OXCT1: variants seen among roughly 807,000 people sequenced by gnomAD.
OXCT1 encodes the protein succinyl-CoA:3-ketoacid coenzyme A transferase 1, mitochondrial.
Under a neutral mutation model 69.6 loss-of-function variants are expected in OXCT1, and 27 were observed. The observed-to-expected ratio is 0.39, with a 90% CI of 0.29 to 0.54. The LOEUF is 0.54. Among genes scored for constraint, OXCT1 ranks in the 20% least tolerant of loss-of-function variants. The pLI is 0.72. For synonymous variants in OXCT1, 202 were observed against 217.8 expected, an observed-to-expected ratio of 0.93 and a Z score of 0.64; for missense variants, 437 against 650.2, an observed-to-expected ratio of 0.67 and a Z score of 3.57.
intron 7 of OXCT1, among the ~76,000 whole-genome samples, chr5:41,814,550 A>G (rs1051797713): frequency 6.6e-5 from 10 of 152,096 alleles, no homozygotes; most frequent in African/African-American, 2.4e-4. Flanking sequence ...CAGCCATAAA[A>G]AAGGATGAGT....
intron 7 of OXCT1, among the ~76,000 whole-genome samples, chr5:41,814,725 T>C (rs1579795686): frequency 1.6e-5 from 1 of 62,518 alleles, no homozygotes; most frequent in Non-Finnish European, 3.0e-5. Context: ...GGGACTGTTG[T>C]GGGGTGGGGG....
In OXCT1 at chr5:41,853,521, C is replaced by G; in HGVS notation, c.312G>C (p.Arg104=). ...VDNFGLGLLL[R]SKQIKRMVSS... is the part of the protein sequence containing the mutation. ...AGACCATGCGTTTTATCTGCTTGGA[C>G]CGAAGCAAAAGCCCCAAACCAAAAT... is the stretch of plus-strand genomic sequence containing the variant. Residue 104 remains arginine (R), a synonymous_variant, in exon 4 of 17, where the codon CGG becomes CGC. Coordinates refer to ENST00000196371, the MANE Select transcript of OXCT1 (RefSeq NM_000436.4). 6.2e-7 allele frequency: 1 copy of G among 1,613,844 alleles called. No individual in the cohort carries two copies.
chr5:41,867,591 G>T (rs116132746), intron 1 of OXCT1, among the ~76,000 whole-genome samples: 1 of 152,192 alleles, frequency 6.6e-6, no homozygotes, highest in East Asian at 1.9e-4. Context: ...TATACTGGAT[G>T]GATACTGGTG....
chr5:41,843,695 C>T (rs4957430), intron 5 of OXCT1: 96,986 of 409,086 alleles, frequency 0.24, 12,103 homozygotes, highest in Middle Eastern at 0.34. Flanking sequence ...TCATCCCTAC[C>T]GCACCCCCTA....
chr5:41,794,339 G>A (rs1209609355), intron 12 of OXCT1: 11 of 592,860 alleles, frequency 1.9e-5, no homozygotes, highest in Non-Finnish European at 2.7e-5. Flanking sequence ...CCTTCAGTGA[G>A]GCAGAATGTG....
At chr5:41,812,890 C>T (rs1331352017) in intron 7 of OXCT1, among the ~76,000 whole-genome samples, 1 of 151,788 alleles carries the variant, frequency 6.6e-6, no homozygotes, top group Admixed American at 6.6e-5. Context: ...TACAGTCAAG[C>T]GAAAAATGGT....
intron 7 of OXCT1, among the ~76,000 whole-genome samples, chr5:41,836,490 T>C (rs918749033): frequency 2.0e-5 from 3 of 152,158 alleles, no homozygotes; most frequent in East Asian, 1.9e-4. Context: ...ACACAACTCA[T>C]AAGTTTATCT....
intron 7 of OXCT1, among the ~76,000 whole-genome samples, chr5:41,832,566 C>A (rs1478441647): frequency 6.6e-6 from 1 of 151,958 alleles, no homozygotes. Flanking sequence ...AAGACAAGAC[C>A]ACAAAGACTA....
At chr5:41,840,842 A>T (rs1748597009) in intron 6 of OXCT1, among the ~76,000 whole-genome samples, 1 of 152,226 alleles carries the variant, frequency 6.6e-6, no homozygotes. Flanking sequence ...TAATCTTTTA[A>T]CAAGTATGCT....
rs1420783299 is a variant in OXCT1 at position 41,762,977 on chromosome 5, CT to C, written c.1249-778del. On this transcript the variant is annotated intron_variant, in intron 13 of 16. Transcript: ENST00000196371. This position sits in a 1 kb window ranked among gnomAD's most constrained non-coding sequence, Gnocchi z 4.0. ...TGTTTCCAGAGATGATAAAATGATT[CT>C]TACTCAAGTATATTGAGGAGAAATG... 1.3e-5 allele frequency among the ~76,000 whole-genome samples: 2 copies of C among 152,038 alleles called. No homozygotes were observed. Among genetic ancestry groups the C allele is most frequent in the African/African-American group, 4.8e-5 (2 of 41,432 alleles).
chr5:41,779,299 T>C (rs1290894292), intron 13 of OXCT1, among the ~76,000 whole-genome samples: 3 of 152,204 alleles, frequency 2.0e-5, no homozygotes, highest in Non-Finnish European at 4.4e-5. Flanking sequence ...AGAGATCATA[T>C]ATGCACTGTC....
At chr5:41,847,987 A>T (rs1290644609) in intron 5 of OXCT1, among the ~76,000 whole-genome samples, 1 of 150,174 alleles carries the variant, frequency 6.7e-6, no homozygotes, top group Non-Finnish European at 1.5e-5. Flanking sequence ...AGGAAGTCAA[A>T]TTGTCCCTGT....
chr5:41,786,875 A>G (rs1745663284), intron 13 of OXCT1, among the ~76,000 whole-genome samples: 1 of 152,220 alleles, frequency 6.6e-6, no homozygotes, highest in South Asian at 2.1e-4. Flanking sequence ...GTTTTTTAAT[A>G]TAACTAAAGA....
chr5:41,778,728 C>T (rs186302230), intron 13 of OXCT1, among the ~76,000 whole-genome samples: 5 of 152,258 alleles, frequency 3.3e-5, no homozygotes, highest in South Asian at 4.1e-4. Flanking sequence ...AAGCTAGAAG[C>T]GGTCAATGTA....
intron 11 of OXCT1, among the ~76,000 whole-genome samples, chr5:41,799,165 A>G (rs1746314980): frequency 6.6e-6 from 1 of 152,116 alleles, no homozygotes; most frequent in African/African-American, 2.4e-5. Context: ...ATCCAGAAAC[A>G]TAACTCTTTG....
At chr5:41,825,147 A>C (rs1446797925) in intron 7 of OXCT1, among the ~76,000 whole-genome samples, 2 of 152,208 alleles carry the variant, frequency 1.3e-5, no homozygotes, top group Non-Finnish European at 2.9e-5. Flanking sequence ...AAGAACCCAA[A>C]TATGTTCTCA....
chr5:41,853,495 G>C lies in OXCT1; in HGVS notation c.338C>G (p.Ser113Cys). Residue 113 changes from serine (S) to cysteine (C), a missense_variant, in exon 4 of 17, where the codon TCT (serine) becomes TGT (cysteine). Physicochemically the swap from Ser to Cys is moderately radical, Grantham distance 112 (BLOSUM62 -1). This residue lies in a region of OXCT1 where 252 missense variants were observed against 397.4 expected (regional missense o/e 0.63). Transcript: ENST00000196371. ...LRSKQIKRMV[S>C]SYVGENAEFE... ...TTCTGCATTTTCTCCCACATATGAA[G>C]AGACCATGCGTTTTATCTGCTTGGA... 1.2e-6 allele frequency: 2 copies of C among 1,613,602 alleles called. No individual in the cohort carries two copies. Among genetic ancestry groups the C allele is most frequent in the East Asian group, 4.5e-5 (2 of 44,866 alleles).
chr5:41,746,374 G>A (rs899834824), intron 15 of OXCT1, among the ~76,000 whole-genome samples: 1 of 151,930 alleles, frequency 6.6e-6, no homozygotes, highest in African/African-American at 2.4e-5. Context: ...TCTTTCAAAG[G>A]GCAACTGAAT....
chr5:41,760,297 T>C (rs2112095107), intron 14 of OXCT1, among the ~76,000 whole-genome samples: 1 of 152,264 alleles, frequency 6.6e-6, no homozygotes, highest in African/African-American at 2.4e-5. Flanking sequence ...ATAAGTACAT[T>C]GTTTTATTGG....
Sources: allele counts gnomAD v4.1 joint callset (sites outside exome capture counted in the v4.1 genomes callset), GRCh38; gene constraint gnomAD v4.1.1; regional missense constraint gnomAD v4.1.1; non-coding constraint Gnocchi (gnomAD v3.1); transcripts MANE v1.5; gene names NCBI Gene and HGNC (gene_info 2026-07-23, HGNC 2026-07-21).